The following ANO4 variants were observed in gnomAD, a reference collection of about 807,000 sequenced individuals.
ANO4 encodes the protein anoctamin 4, also known as anoctamin-4.
A neutral mutation model predicts 141.9 loss-of-function variants in ANO4; 69 were observed. That is an observed-to-expected ratio of 0.49 (90% confidence interval 0.40 to 0.59). ANO4 has a LOEUF of 0.59. ANO4 is among the 20% of genes least tolerant of loss of function. The pLI is 0.00. For missense variants in ANO4, 894 were observed against 1,162.2 expected, an observed-to-expected ratio of 0.77 and a Z score of 3.36; for synonymous variants, 350 against 394.3, an observed-to-expected ratio of 0.89 and a Z score of 1.33.
chr12:100,823,862 A>G (rs1392988693), intron 1 of ANO4, among the ~76,000 whole-genome samples: 2 of 152,046 alleles, frequency 1.3e-5, no homozygotes, highest in Non-Finnish European at 2.9e-5. Flanking sequence ...ATTTGATGAA[A>G]TGGGTAGGCA....
At chr12:100,970,188 C>G (rs1386749063) in intron 5 of ANO4, among the ~76,000 whole-genome samples, 1 of 152,216 alleles carries the variant, frequency 6.6e-6, no homozygotes, top group African/African-American at 2.4e-5. Flanking sequence ...CCAACTTTTG[C>G]TTTTGCCTGG....
chr12:101,108,605 G>A (rs1160063331), intron 22 of ANO4, among the ~76,000 whole-genome samples: 2 of 151,720 alleles, frequency 1.3e-5, no homozygotes, highest in African/African-American at 4.9e-5. Flanking sequence ...TTTTGTTGTT[G>A]TTACTTTCTA....
intron 1 of ANO4, among the ~76,000 whole-genome samples, chr12:100,807,188 C>T (rs1180998938): frequency 1.3e-5 from 2 of 152,254 alleles, no homozygotes; most frequent in East Asian, 1.9e-4. Flanking sequence ...ATTTCAGGCA[C>T]GATGTGTCTT....
intron 3 of ANO4, among the ~76,000 whole-genome samples, chr12:100,768,088 T>C (rs755675521): frequency 6.6e-6 from 1 of 151,806 alleles, no homozygotes; most frequent in Non-Finnish European, 1.5e-5. Context: ...GTTGAGGGAG[T>C]TGGCCTGAAG....
At chr12:101,081,016 TATGTGA>T (rs1299460095) in intron 15 of ANO4, among the ~76,000 whole-genome samples, 1 of 106,926 alleles carries the variant, frequency 9.4e-6, no homozygotes, top group Non-Finnish European at 1.9e-5. Context: ...TATATATATG[TATGTGA>T]GTGTGTGTAT....
intron 2 of ANO4, among the ~76,000 whole-genome samples, chr12:100,905,416 A>G (rs896998194): frequency 2.0e-4 from 31 of 152,210 alleles, no homozygotes; most frequent in African/African-American, 7.5e-4. Flanking sequence ...GAGAAAACCC[A>G]GAAGTGCCAC....
intron 8 of ANO4, among the ~76,000 whole-genome samples, chr12:101,002,746 T>A (rs890691233): frequency 6.6e-6 from 1 of 152,234 alleles, no homozygotes; most frequent in African/African-American, 2.4e-5. Context: ...TGGCACTGAC[T>A]ATTATATCAC....
At chr12:100,808,047 G>A (rs2035168468) in intron 1 of ANO4, among the ~76,000 whole-genome samples, 1 of 152,064 alleles carries the variant, frequency 6.6e-6, no homozygotes, top group South Asian at 2.1e-4. Context: ...TATCTTTATG[G>A]TAGAATGATT....
chr12:100,816,232 C>T (rs867985426), intron 1 of ANO4, among the ~76,000 whole-genome samples: 6 of 151,678 alleles, frequency 4.0e-5, no homozygotes, highest in Admixed American at 1.3e-4. Flanking sequence ...GTGGGATAGA[C>T]GCATGAAACA....
intron 3 of ANO4, among the ~76,000 whole-genome samples, chr12:100,774,839 A>G (rs1368016985): frequency 6.6e-6 from 1 of 152,232 alleles, no homozygotes; most frequent in African/African-American, 2.4e-5. Context: ...TCCTTGGACA[A>G]TCTTGTAAAT....
chr12:101,042,425 G>A lies in ANO4; in HGVS notation c.1111G>A (p.Val371Ile), dbSNP rs891274099. The stretch of plus-strand genomic sequence containing the variant: ...CCCAGCTGCCTTCATTGGATTGTTT[G>A]TCTTTTTGTATGGCGTCACCACTCT... ...LFPAAFIGLF[V>I]FLYGVTTLDH... is the part of the protein sequence containing the mutation. The change falls in exon 12 of 28, where the codon GTC (valine) becomes ATC (isoleucine). Residue 371 changes from valine to isoleucine, a missense_variant. By Grantham distance (29) the Val-to-Ile change is conservative. Coordinates refer to ENST00000392977, the MANE Select transcript of ANO4 (RefSeq NM_001286615.2). The A allele has an allele frequency of 2.5e-6, 4 of 1,614,024 alleles. No homozygotes were observed. Among genetic ancestry groups the A allele is most frequent in the Admixed American group, 1.7e-5 (1 of 59,990 alleles).
chr12:100,840,352 T>A (rs1047190690), intron 1 of ANO4, among the ~76,000 whole-genome samples: 10 of 152,178 alleles, frequency 6.6e-5, no homozygotes, highest in African/African-American at 2.2e-4. Flanking sequence ...AACTTGGTAG[T>A]AATCCTACCA....
At chr12:101,093,558 T>C (rs1028334053) in intron 17 of ANO4, among the ~76,000 whole-genome samples, 2 of 152,178 alleles carry the variant, frequency 1.3e-5, no homozygotes, top group African/African-American at 4.8e-5. Context: ...ATGTTTCAAT[T>C]ATACCCACTC....
chr12:100,804,922 G>T (rs1452608102), intron 1 of ANO4, among the ~76,000 whole-genome samples: 1 of 152,140 alleles, frequency 6.6e-6, no homozygotes, highest in Non-Finnish European at 1.5e-5. Flanking sequence ...TCTGATGATA[G>T]TTTATTTTGC....
At chr12:100,853,609 A>G (rs970841395) in intron 1 of ANO4, among the ~76,000 whole-genome samples, 3 of 108,760 alleles carry the variant, frequency 2.8e-5, no homozygotes, top group Non-Finnish European at 5.8e-5. Flanking sequence ...GGTATCCAAA[A>G]TTTAGCAGGT....
intron 3 of ANO4, among the ~76,000 whole-genome samples, chr12:100,932,632 T>A (rs2042127335): frequency 6.6e-6 from 1 of 152,164 alleles, no homozygotes; most frequent in Non-Finnish European, 1.5e-5. Context: ...TGCAAATAGT[T>A]GATTTGATTA....
chr12:100,997,790 A>T (rs2045458072), intron 8 of ANO4, among the ~76,000 whole-genome samples: 1 of 152,154 alleles, frequency 6.6e-6, no homozygotes, highest in Non-Finnish European at 1.5e-5. Context: ...CTGAAATAAA[A>T]TTCTTGCACA....
chr12:101,057,276 C>T (rs547218890), intron 14 of ANO4, among the ~76,000 whole-genome samples: 23 of 152,132 alleles, frequency 1.5e-4, no homozygotes, highest in Admixed American at 2.0e-4. Flanking sequence ...TGGGTTGGTT[C>T]GAAGTCTTTG....
intron 2 of ANO4, among the ~76,000 whole-genome samples, chr12:100,905,963 T>A (rs2040826853): frequency 6.6e-6 from 1 of 152,044 alleles, no homozygotes; most frequent in Non-Finnish European, 1.5e-5. Context: ...AGAAGCAAGG[T>A]CATCTCTGAG....
Sources: allele counts gnomAD v4.1 joint callset (sites outside exome capture counted in the v4.1 genomes callset), GRCh38; gene constraint gnomAD v4.1.1; transcripts MANE v1.5; gene names NCBI Gene and HGNC (gene_info 2026-07-23, HGNC 2026-07-21).